TMEM232: variants seen among roughly 807,000 people sequenced by gnomAD.
The protein encoded by TMEM232 is transmembrane protein 232.
A neutral mutation model predicts 78.8 loss-of-function variants in TMEM232; 80 were observed. The ratio of observed to expected loss-of-function variants is 1.01; its 90% confidence interval spans 0.85 to 1.22. TMEM232 has a LOEUF of 1.22. TMEM232 is among the 50% of genes most tolerant of loss of function. The pLI, the probability that TMEM232 is intolerant of heterozygous loss-of-function variation, is 0.00. For synonymous variants in TMEM232, 297 were observed against 254.3 expected (o/e 1.17, Z -1.60); for missense variants, 881 against 742.2 (o/e 1.19, Z -2.17).
At chr5:110,725,792 G>T (rs1421542103) in intron 1 of TMEM232, 1 of 152,002 alleles carries the variant, frequency 6.6e-6, no homozygotes, top group Admixed American at 6.6e-5. Context: ...TAAAAATGAG[G>T]TTGAAACTGT....
chr5:110,594,366 C>A lies in TMEM232; in HGVS notation c.1276+10743G>T, dbSNP rs531073721. 1.4e-4 allele frequency among the ~76,000 whole-genome samples: 22 copies of A among 152,256 alleles called. 1 individual carries two copies. The highest frequency in any genetic ancestry group is 6.8e-3 in the Middle Eastern group (2 of 294). The stretch of plus-strand genomic sequence containing the variant: ...CCACCAGGGCCCCAGGTTTCAGGCA[C>A]AAAACTAGGTGGCTCTTTGGGCAGA... On this transcript the variant is annotated intron_variant, in intron 10 of 13. Transcript: ENST00000455884.
At chr5:110,727,764 G>A (rs993620116), upstream of TMEM232, among the ~76,000 whole-genome samples, 5 of 152,100 alleles carry the variant, frequency 3.3e-5, no homozygotes, top group Admixed American at 6.6e-5. Context: ...GTTTAAAACA[G>A]AAATTACAAT....
chr5:110,722,355 T>G (rs897752351), intron 1 of TMEM232, among the ~76,000 whole-genome samples: 1 of 152,178 alleles, frequency 6.6e-6, no homozygotes. Context: ...TCTCATGAAG[T>G]TGCAGTCAAA....
At chr5:110,464,856 A>G (rs1223770246) in intron 12 of TMEM232, among the ~76,000 whole-genome samples, 1 of 152,142 alleles carries the variant, frequency 6.6e-6, no homozygotes, top group Non-Finnish European at 1.5e-5. Context: ...ATCTATCATG[A>G]ACCTACTCTA....
intron 3 of TMEM232, among the ~76,000 whole-genome samples, chr5:110,391,928 C>T (rs1755211332): frequency 6.6e-6 from 1 of 152,188 alleles, no homozygotes; most frequent in Non-Finnish European, 1.5e-5. Flanking sequence ...GCAGAGTCTG[C>T]AGGCTTACTG....
At chr5:110,513,203 G>A (rs143884748) in intron 12 of TMEM232, among the ~76,000 whole-genome samples, 177 of 152,252 alleles carry the variant, frequency 1.2e-3, no homozygotes, top group Non-Finnish European at 2.0e-3. Context: ...ACCGATGTAC[G>A]AAGCATAGTT....
intron 12 of TMEM232, among the ~76,000 whole-genome samples, chr5:110,517,505 CTTG>C (rs923788668): frequency 3.3e-4 from 50 of 152,312 alleles, no homozygotes; most frequent in African/African-American, 1.1e-3. Flanking sequence ...CTAGGCTTGC[CTTG>C]TTGTCACCAA....
intron 10 of TMEM232, among the ~76,000 whole-genome samples, chr5:110,587,683 ATATATATATGTGTGTGTG>A (rs1449604850): frequency 0.014 from 1,273 of 91,896 alleles, 18 homozygotes; most frequent in African/African-American, 0.068. Flanking sequence ...ATATATATAT[ATATATATATGTGTGTGTG>A]TGTGTGTGTG....
intron 2 of TMEM232, among the ~76,000 whole-genome samples, chr5:110,648,726 A>G (rs1787868234): frequency 6.6e-6 from 1 of 152,088 alleles, no homozygotes; most frequent in South Asian, 2.1e-4. Flanking sequence ...CATTATACCT[A>G]GACTGTGAAT....
chr5:110,738,043 G>T (rs1340794211), exon 1 of TMEM232: 1 of 244,812 alleles, frequency 4.1e-6, no homozygotes, highest in South Asian at 4.5e-5. Flanking sequence ...AAAAATGTCA[G>T]TTCAATCAAA....
intron 1 of TMEM232, among the ~76,000 whole-genome samples, chr5:110,692,068 C>A (rs552757795): frequency 4.6e-5 from 7 of 152,210 alleles, no homozygotes; most frequent in African/African-American, 1.4e-4. Flanking sequence ...CTACAGGCGC[C>A]CGCCACCACG....
In TMEM232 at chr5:110,448,347, A is replaced by G. The variant is rs143700757; in HGVS notation, c.1704-23431T>C. On this transcript the variant is annotated intron_variant, in intron 12 of 13. Coordinates refer to ENST00000455884, the MANE Select transcript of TMEM232 (RefSeq NM_001039763.4). Reference sequence around the variant, plus strand: ...TTAATACTACTTTTAACCAAAAAAGAGAATGAGAATAACAAAGAGTAATAG... The same window carrying G: ...TTAATACTACTTTTAACCAAAAAAGGGAATGAGAATAACAAAGAGTAATAG... Among the ~76,000 whole-genome samples, 1,083 of 152,194 alleles carry G rather than the reference A, an allele frequency of 7.1e-3. 16 individuals are homozygous for G. The highest frequency in any genetic ancestry group is 0.025 in the African/African-American group (1,037 of 41,586).
intron 1 of TMEM232, among the ~76,000 whole-genome samples, chr5:110,712,196 T>C (rs183068750): frequency 6.7e-6 from 1 of 149,482 alleles, no homozygotes; most frequent in African/African-American, 2.5e-5. Flanking sequence ...TGGGCAAAAA[T>C]TTATTGAGTA....
intron 12 of TMEM232, among the ~76,000 whole-genome samples, chr5:110,449,331 A>C (rs1280960069): frequency 6.6e-6 from 1 of 152,116 alleles, no homozygotes; most frequent in Non-Finnish European, 1.5e-5. Flanking sequence ...TTCATGGTAC[A>C]TGCTGTTACA....
At chr5:110,561,999 G>C (rs963496613) in intron 11 of TMEM232, among the ~76,000 whole-genome samples, 6 of 152,076 alleles carry the variant, frequency 3.9e-5, no homozygotes, top group Non-Finnish European at 5.9e-5. Context: ...TTTGAGTGTA[G>C]AGACAATGAG....
At chr5:110,534,575 A>G (rs1009962944) in intron 11 of TMEM232, among the ~76,000 whole-genome samples, 2 of 152,146 alleles carry the variant, frequency 1.3e-5, no homozygotes, top group African/African-American at 4.8e-5. Context: ...CATCCCTACT[A>G]TCTTCTGTCT....
intron 12 of TMEM232, among the ~76,000 whole-genome samples, chr5:110,456,444 T>C (rs886312837): frequency 6.6e-6 from 1 of 151,672 alleles, no homozygotes; most frequent in Non-Finnish European, 1.5e-5. Flanking sequence ...ATTGAAGGAG[T>C]AAATATTGTG....
chr5:110,528,319 G>C (rs2149526967), intron 12 of TMEM232, among the ~76,000 whole-genome samples: 1 of 151,518 alleles, frequency 6.6e-6, no homozygotes, highest in Admixed American at 6.6e-5. Context: ...TGAATGATTT[G>C]GTTTCTGTTT....
chr5:110,596,991 C>A (rs1202899730), intron 10 of TMEM232, among the ~76,000 whole-genome samples: 2 of 152,116 alleles, frequency 1.3e-5, no homozygotes. Flanking sequence ...TCCTATTCAA[C>A]ATAGTGTTGG....
Sources: gnomAD v4.1 joint callset for allele counts (sites outside exome capture counted in the v4.1 genomes callset) on GRCh38, gnomAD v4.1.1 for gene constraint, MANE v1.5 for transcripts, NCBI Gene and HGNC (gene_info 2026-07-23, HGNC 2026-07-21) for gene names.